Variants in SHISA5 observed in about 807,000 individuals in gnomAD.
The protein encoded by SHISA5 is protein shisa-5.
A neutral mutation model predicts 27.5 loss-of-function variants in SHISA5; 21 were observed. That is an observed-to-expected ratio of 0.76 (90% CI 0.54 to 1.10). The LOEUF is 1.10. Among genes scored for constraint, SHISA5 ranks in the 50% least tolerant of loss-of-function variants. The probability of loss-of-function intolerance (pLI) is 0.00; values close to 1 mark genes in which losing one functional copy is unlikely to be tolerated. For missense variants in SHISA5, 314 were observed against 336.3 expected, an observed-to-expected ratio of 0.93 and a Z score of 0.52; for synonymous variants, 137 against 142.2, an observed-to-expected ratio of 0.96 and a Z score of 0.26.
intron 2 of SHISA5, among the ~76,000 whole-genome samples, chr3:48,482,776 C>T (rs2041065528): frequency 6.6e-6 from 1 of 152,072 alleles, no homozygotes. Context: ...GCTGGGATTA[C>T]AGGCATGTGC....
Position 48,468,547 on chromosome 3 carries a change from C to T in SHISA5, c.*560G>A, listed in dbSNP as rs896463475. On this transcript the variant is annotated 3_prime_UTR_variant, in exon 6 of 6. Transcript: ENST00000296444. Reference sequence around the variant, plus strand: ...CTCCAGGGAGCAATGGGACATCTGCCCAAAGGATCAAAGTCCAACTTGGCC... The same window carrying T: ...CTCCAGGGAGCAATGGGACATCTGCTCAAAGGATCAAAGTCCAACTTGGCC... 41 of 1,188,818 alleles carry T rather than the reference C, an allele frequency of 3.4e-5. No individual in the cohort carries two copies. Among genetic ancestry groups the T allele is most frequent in the Non-Finnish European group, 4.2e-5 (40 of 942,684 alleles). The allele number at this position is 1,188,818 out of a possible 1,614,324, so 73.6% of individuals were successfully genotyped here. A position where few individuals can be genotyped will look rare whatever the true frequency, so the allele number is the denominator to read the frequency against.
At chr3:48,486,413 ATTATATATTAT>A (rs1443147281) in intron 2 of SHISA5, among the ~76,000 whole-genome samples, 17 of 95,636 alleles carry the variant, frequency 1.8e-4, no homozygotes, top group African/African-American at 8.0e-4. Context: ...TATAATATAT[ATTATATATTAT>A]ATATTTTATA....
chr3:48,477,479 C>T (rs1445180973), intron 3 of SHISA5, among the ~76,000 whole-genome samples: 1 of 152,104 alleles, frequency 6.6e-6, no homozygotes. Flanking sequence ...TCATACCTCA[C>T]TGTAGCCCTG....
At chr3:48,498,099 T>A (rs898325227) in intron 2 of SHISA5, among the ~76,000 whole-genome samples, 1 of 152,288 alleles carries the variant, frequency 6.6e-6, no homozygotes, top group African/African-American at 2.4e-5. Context: ...AGAATAAAAA[T>A]TTTAAAATCA....
rs1178546133 is a variant in SHISA5 at position 48,469,920 on chromosome 3, C to T, written c.315-77G>A. 3 of 1,542,980 alleles carry T rather than the reference C, an allele frequency of 1.9e-6. No homozygotes were observed. The highest frequency in any genetic ancestry group is 2.0e-5 in the Admixed American group (1 of 50,664). On this transcript the variant is annotated intron_variant, in intron 3 of 5. Transcript: ENST00000296444. This position sits in a 1 kb window ranked among gnomAD's most constrained non-coding sequence, Gnocchi z 4.6. The stretch of plus-strand genomic sequence containing the variant: ...CATCCACACCTTCCCAAGGCATGCC[C>T]CTCTTGCCAGAAGGGGTCTGGGCAA...
chr3:48,485,106 T>C (rs1045988802), intron 2 of SHISA5, among the ~76,000 whole-genome samples: 1 of 149,188 alleles, frequency 6.7e-6, no homozygotes, highest in African/African-American at 2.5e-5. Flanking sequence ...TTGAGGGAGG[T>C]AGAGGCTGCA....
Position 48,504,018 on chromosome 3 carries a change from C to A in SHISA5, c.76+1G>T. 1 of 1,468,540 alleles carries A rather than the reference C, an allele frequency of 6.8e-7. No individual in the cohort carries two copies. 91.0% of individuals were successfully genotyped at this position (1,468,540 alleles called of 1,614,324 possible). On this transcript the variant is annotated splice_donor_variant, in intron 1 of 5. Coordinates refer to ENST00000296444, the MANE Select transcript of SHISA5 (RefSeq NM_016479.6). LOFTEE classifies it high-confidence loss of function. This position sits in a 1 kb window ranked among gnomAD's most constrained non-coding sequence, Gnocchi z 4.0. The stretch of plus-strand genomic sequence containing the variant: ...ACGGGCCGCCCCCACCCCCGGCTCA[C>A]CACCCGGAGGCGGCGTTAGCAGCAG...
At chr3:48,471,574 A>C (rs894631432) in intron 3 of SHISA5, among the ~76,000 whole-genome samples, 1 of 119,972 alleles carries the variant, frequency 8.3e-6, no homozygotes, top group Non-Finnish European at 1.7e-5. Flanking sequence ...AAAAAAAAAA[A>C]AAAAGTCAGC....
intron 1 of SHISA5, chr3:48,503,031 T>G: frequency 8.7e-7 from 1 of 1,154,500 alleles, no homozygotes; most frequent in Non-Finnish European, 1.2e-6. Context: ...AGAACCCTGC[T>G]CTGGGCAAAG....
chr3:48,497,659 GGAGGATCACTT>G (rs2041599325), intron 2 of SHISA5, among the ~76,000 whole-genome samples: 1 of 152,080 alleles, frequency 6.6e-6, no homozygotes, highest in Non-Finnish European at 1.5e-5. Context: ...GGTCGAGGTG[GGAGGATCACTT>G]GAGCCCAGGA....
At chr3:48,480,133 G>A (rs2040960224) in intron 2 of SHISA5, among the ~76,000 whole-genome samples, 1 of 151,448 alleles carries the variant, frequency 6.6e-6, no homozygotes, top group African/African-American at 2.4e-5. Context: ...TCGATCTCCT[G>A]ACCTCGTGAT....
At chr3:48,503,956 G>T (rs752874358) in intron 1 of SHISA5, 63 bp downstream of exon 1, 2 of 1,431,986 alleles carry the variant, frequency 1.4e-6, no homozygotes, top group East Asian at 3.0e-5. Flanking sequence ...CGTTGGAGAG[G>T]CAGCGCGGGG....
At chr3:48,484,101 T>C (rs890577105) in intron 2 of SHISA5, among the ~76,000 whole-genome samples, 1 of 152,160 alleles carries the variant, frequency 6.6e-6, no homozygotes, top group African/African-American at 2.4e-5. Flanking sequence ...GTGGGACATA[T>C]ATAGCACAAT....
intron 2 of SHISA5, among the ~76,000 whole-genome samples, chr3:48,496,389 C>T (rs1343969909): frequency 6.6e-6 from 1 of 151,876 alleles, no homozygotes; most frequent in Non-Finnish European, 1.5e-5. Flanking sequence ...GTCAGGAGAT[C>T]GAGACCATCC....
rs1369269512 is a variant in SHISA5 at position 48,470,917 on chromosome 3, ACT to A, written c.315-1076_315-1075del. Among the ~76,000 whole-genome samples the A allele has an allele frequency of 2.7e-5, 4 of 150,836 alleles. No homozygotes were observed. In the East Asian group the frequency reaches 5.9e-4, roughly 22 times the overall value. The stretch of plus-strand genomic sequence containing the variant: ...ACTCCAGCCTGGGGACAGGAGCAAA[ACT>A]CTGTCTCAAAAATGAAAGAAAAAAA... On this transcript the variant is annotated intron_variant, in intron 3 of 5. Transcript: ENST00000296444. The surrounding 1 kb of genome is among the most constrained non-coding windows in gnomAD (Gnocchi z 4.3).
chr3:48,503,318 G>A (rs1280422526), intron 1 of SHISA5: 2 of 499,462 alleles, frequency 4.0e-6, no homozygotes, highest in African/African-American at 3.9e-5. Context: ...GCGGATTCTG[G>A]GCACAAGTCT....
At chr3:48,489,752 T>G (rs2041366243) in intron 2 of SHISA5, among the ~76,000 whole-genome samples, 1 of 148,830 alleles carries the variant, frequency 6.7e-6, no homozygotes, top group Non-Finnish European at 1.5e-5. Flanking sequence ...CTCAGCCTCC[T>G]GAGTAGCTGG....
At chr3:48,488,241 C>CTTTTTT (rs1207569528) in intron 2 of SHISA5, among the ~76,000 whole-genome samples, 5 of 111,834 alleles carry the variant, frequency 4.5e-5, no homozygotes, top group South Asian at 3.0e-4. Context: ...CTCTTGACTG[C>CTTTTTT]TTTTTTTTTT....
intron 3 of SHISA5, among the ~76,000 whole-genome samples, chr3:48,478,553 A>G (rs930211308): frequency 4.6e-5 from 7 of 151,738 alleles, no homozygotes; most frequent in Admixed American, 2.0e-4. Flanking sequence ...AGATGTCACA[A>G]CTCCTGTTAC....
Sources: allele counts gnomAD v4.1 joint callset (sites outside exome capture counted in the v4.1 genomes callset), GRCh38; gene constraint gnomAD v4.1.1; non-coding constraint Gnocchi (gnomAD v3.1); transcripts MANE v1.5; gene names NCBI Gene and HGNC (gene_info 2026-07-23, HGNC 2026-07-21).